The following KAZN variants were observed in gnomAD, a reference collection of about 807,000 sequenced individuals.
The protein encoded by KAZN is kazrin.
In KAZN, 40 loss-of-function variants were observed where a neutral mutation model predicts 87.4. The observed-to-expected ratio is 0.46, with a 90% CI of 0.36 to 0.60. KAZN has a LOEUF of 0.60. KAZN is among the 20% of genes least tolerant of loss of function. KAZN has a pLI of 0.00. For missense variants in KAZN, 898 were observed against 1,073.9 expected, an observed-to-expected ratio of 0.84 and a Z score of 2.29; for synonymous variants, 466 against 458.3, an observed-to-expected ratio of 1.02 and a Z score of -0.22.
chr1:14,522,058 C>T (rs1487218224), intron 2 of KAZN, among the ~76,000 whole-genome samples: 1 of 152,144 alleles, frequency 6.6e-6, no homozygotes, highest in Non-Finnish European at 1.5e-5. Flanking sequence ...CAGGCCCTCT[C>T]CACCAAATTT....
intron 1 of KAZN, among the ~76,000 whole-genome samples, chr1:14,932,306 T>G (rs1195724647): frequency 6.8e-6 from 1 of 146,444 alleles, no homozygotes; most frequent in Non-Finnish European, 1.5e-5. Context: ...GCCGTTCAGG[T>G]GGTCAGACAT....
intron 2 of KAZN, among the ~76,000 whole-genome samples, chr1:14,311,996 G>A (rs1467767391): frequency 6.6e-6 from 1 of 152,148 alleles, no homozygotes; most frequent in Non-Finnish European, 1.5e-5. Flanking sequence ...GGATATGGAA[G>A]TCAATTGGAT....
chr1:13,936,554 G>T (rs1640751891), intron 1 of KAZN, among the ~76,000 whole-genome samples: 2 of 152,124 alleles, frequency 1.3e-5, no homozygotes, highest in Admixed American at 1.3e-4. Flanking sequence ...AGTCTCCAAG[G>T]TCTGTTTTCC....
In KAZN at chr1:15,094,799, T is replaced by A. The variant is rs1446517004; in HGVS notation, c.1429-16T>A. The A allele has an allele frequency of 6.5e-7, 1 of 1,540,462 alleles. No homozygotes were observed. Among genetic ancestry groups the A allele is most frequent in the Admixed American group, 2.0e-5 (1 of 50,772 alleles). ...AGCTGTCCCAGCCCCCATATGACACTCCCTCCCGGGGGCAGGTGCTGCTGA... is the reference window on the plus strand; with the variant it reads ...AGCTGTCCCAGCCCCCATATGACACACCCTCCCGGGGGCAGGTGCTGCTGA... On this transcript the variant is annotated splice_polypyrimidine_tract_variant and intron_variant, in intron 9 of 14. Transcript: ENST00000376030. This position sits in a 1 kb window ranked among gnomAD's most constrained non-coding sequence, Gnocchi z 4.5.
chr1:14,172,628 C>T (rs561872073), intron 1 of KAZN, among the ~76,000 whole-genome samples: 1 of 152,224 alleles, frequency 6.6e-6, no homozygotes, highest in Non-Finnish European at 1.5e-5. Context: ...ATGCTCTCAG[C>T]TTTGTGGGCC....
intron 1 of KAZN, among the ~76,000 whole-genome samples, chr1:14,752,750 G>C (rs1175868557): frequency 6.6e-6 from 1 of 152,044 alleles, no homozygotes; most frequent in South Asian, 2.1e-4. Context: ...GTGGGGAGGG[G>C]GGACACATTC....
intron 1 of KAZN, among the ~76,000 whole-genome samples, chr1:14,880,066 G>A (rs1572714057): frequency 6.6e-6 from 1 of 152,186 alleles, no homozygotes; most frequent in East Asian, 1.9e-4. Context: ...CACAGGAGAT[G>A]AAGGTCTGAT....
intron 2 of KAZN, among the ~76,000 whole-genome samples, chr1:14,365,189 G>T (rs75150258): frequency 0.073 from 11,104 of 151,986 alleles, 641 homozygotes; most frequent in South Asian, 0.19. Context: ...TACTACAAGT[G>T]CCCGCCACCA....
In KAZN at chr1:15,096,208, A is replaced by T. The variant is rs1282448352; in HGVS notation, c.1547+1275A>T. Among the ~76,000 whole-genome samples, 1 of 152,118 alleles carries T rather than the reference A, an allele frequency of 6.6e-6. No homozygotes were observed. The highest frequency in any genetic ancestry group is 1.5e-5 in the Non-Finnish European group (1 of 68,008). ...CCCACACCCAGCAGGGTCCATAAAC[A>T]CTGCCTGTGTTCAATGAACAGGGTG... On this transcript the variant is annotated intron_variant, in intron 10 of 14. Coordinates refer to ENST00000376030, the MANE Select transcript of KAZN (RefSeq NM_201628.3). This position sits in a 1 kb window ranked among gnomAD's most constrained non-coding sequence, Gnocchi z 4.5.
chr1:14,563,244 C>T (rs1221055119), intron 2 of KAZN, among the ~76,000 whole-genome samples: 2 of 152,204 alleles, frequency 1.3e-5, no homozygotes, highest in African/African-American at 4.8e-5. Flanking sequence ...TGCATTCAAT[C>T]ACCAGTAGCT....
chr1:14,444,104 A>G (rs1047050547), intron 2 of KAZN, among the ~76,000 whole-genome samples: 4 of 152,114 alleles, frequency 2.6e-5, no homozygotes, highest in Admixed American at 6.6e-5. Context: ...TCTTTAATAG[A>G]CTTCAAAGTA....
At chr1:13,984,800 C>T (rs1638930952) in intron 1 of KAZN, among the ~76,000 whole-genome samples, 1 of 152,104 alleles carries the variant, frequency 6.6e-6, no homozygotes, top group Admixed American at 6.5e-5. Flanking sequence ...GATTCACTTA[C>T]CATATACATA....
chr1:14,399,126 A>G (rs762030712), intron 2 of KAZN, among the ~76,000 whole-genome samples: 4 of 152,166 alleles, frequency 2.6e-5, no homozygotes, highest in Non-Finnish European at 5.9e-5. Context: ...CCTGAGCTCA[A>G]GCGATCCTCC....
Position 15,094,349 on chromosome 1 carries a change from C to T in KAZN, c.1392C>T (p.Tyr464=), listed in dbSNP as rs763944552. ...WLEVVMAMPM[Y]VKACTENVKS... ...AGGTGGTGATGGCCATGCCTATGTA[C>T]GTCAAGGCCTGCACGGAGAACGTGA... The change falls in exon 9 of 15, where the codon TAC becomes TAT. Residue 464 remains tyrosine, a synonymous_variant. Coordinates refer to ENST00000376030, the MANE Select transcript of KAZN (RefSeq NM_201628.3). This position sits in a 1 kb window ranked among gnomAD's most constrained non-coding sequence, Gnocchi z 4.5. The T allele has an allele frequency of 5.6e-6, 9 of 1,613,684 alleles. No homozygotes were observed. Among genetic ancestry groups the T allele is most frequent in the East Asian group, 2.2e-5 (1 of 44,880 alleles).
chr1:14,126,965 G>A (rs939690573), intron 1 of KAZN, among the ~76,000 whole-genome samples: 1 of 152,198 alleles, frequency 6.6e-6, no homozygotes, highest in African/African-American at 2.4e-5. Context: ...AATTAGCCAG[G>A]CATGGTGGTA....
chr1:14,792,436 C>T (rs997090636), intron 1 of KAZN, among the ~76,000 whole-genome samples: 3 of 152,168 alleles, frequency 2.0e-5, no homozygotes, highest in African/African-American at 7.2e-5. Flanking sequence ...GTGGCTTATG[C>T]TTGTAATCCC....
chr1:14,489,736 A>AAATAATAATAATAATAATAAT (rs57610968), intron 2 of KAZN, among the ~76,000 whole-genome samples: 2 of 144,514 alleles, frequency 1.4e-5, no homozygotes, highest in Non-Finnish European at 3.0e-5. Context: ...TCTGTCTTAA[A>AAATAATAATAATAATAATAAT]AATAATAATA....
At chr1:15,061,655 C>T (rs7517613) in intron 6 of KAZN, 19,863 of 152,150 alleles carry the variant, frequency 0.13, 1,292 homozygotes, top group Middle Eastern at 0.2. Context: ...GAGCAGCTGG[C>T]ATTACAGATG....
intron 2 of KAZN, among the ~76,000 whole-genome samples, chr1:15,010,312 A>AT (rs916000370): frequency 1.1e-4 from 16 of 146,142 alleles, no homozygotes; most frequent in South Asian, 2.2e-4. Context: ...TTCTTTACTG[A>AT]TTTTTTTGAA....
Sources: gnomAD v4.1 joint callset for allele counts (sites outside exome capture counted in the v4.1 genomes callset) on GRCh38, gnomAD v4.1.1 for gene constraint, Gnocchi (gnomAD v3.1) non-coding constraint, MANE v1.5 for transcripts, NCBI Gene and HGNC (gene_info 2026-07-23, HGNC 2026-07-21) for gene names.